SH3RF1: variants seen among roughly 807,000 people sequenced by gnomAD.
SH3RF1 encodes SH3 domain containing ring finger 1, also known as E3 ubiquitin-protein ligase SH3RF1.
SH3RF1 carries 32 observed loss-of-function variants against 74.0 expected under a neutral mutation model. That is an observed-to-expected ratio of 0.43 (90% CI 0.33 to 0.58). The LOEUF (loss-of-function observed/expected upper bound fraction) is 0.58. Ranked by LOEUF, SH3RF1 falls within the 20% of genes least tolerant of loss-of-function variation. SH3RF1 has a pLI of 0.05. For missense variants in SH3RF1, 954 were observed against 1,130.9 expected, an observed-to-expected ratio of 0.84 and a Z score of 2.24; for synonymous variants, 396 against 439.6, an observed-to-expected ratio of 0.90 and a Z score of 1.24.
At chr4:169,139,982 G>A (rs954470918) in intron 4 of SH3RF1, among the ~76,000 whole-genome samples, 5 of 152,092 alleles carry the variant, frequency 3.3e-5, no homozygotes, top group Admixed American at 6.5e-5. Context: ...CCTCTAAATA[G>A]CCTAGCATAT....
At chr4:169,186,429 T>C (rs1249978776) in intron 2 of SH3RF1, among the ~76,000 whole-genome samples, 1 of 152,068 alleles carries the variant, frequency 6.6e-6, no homozygotes, top group African/African-American at 2.4e-5. Context: ...AGACTAACTA[T>C]AAAACACTTA....
chr4:169,225,626 G>A (rs1465538709), intron 2 of SH3RF1, among the ~76,000 whole-genome samples: 1 of 152,176 alleles, frequency 6.6e-6, no homozygotes, highest in Non-Finnish European at 1.5e-5. Context: ...ACAGAAAGGT[G>A]ACTGCAATGT....
rs1050163088 is a variant in SH3RF1 at position 169,094,794 on chromosome 4, G to T, written c.*1725C>A. 1 of 148,336 alleles carries T rather than the reference G, an allele frequency of 6.7e-6. No individual in the cohort carries two copies. Among genetic ancestry groups the T allele is most frequent in the East Asian group, 2.0e-4 (1 of 5,106 alleles). The allele number at this position is 148,336 out of a possible 1,614,324, so 9.2% of individuals were successfully genotyped here. A position where few individuals can be genotyped will look rare whatever the true frequency, so the allele number is the denominator to read the frequency against. Reference sequence around the variant, plus strand: ...ATACATTGTTTTTTTTTAAAAAAAAGGTTAATTTAGGAATGATTTCATCTT... The same window carrying T: ...ATACATTGTTTTTTTTTAAAAAAAATGTTAATTTAGGAATGATTTCATCTT... On this transcript the variant is annotated 3_prime_UTR_variant, in exon 12 of 12. Transcript: ENST00000284637.
rs573354579 is a variant in SH3RF1, at chr4:169,263,938, A to C, written c.393+4882T>G. 2.0e-4 allele frequency among the ~76,000 whole-genome samples: 31 copies of C among 152,258 alleles called. 1 individual carries two copies. The South Asian group carries it at 2.5e-3, about 12-fold the overall frequency. ...GCCAGGCAATGTGGGTAGTTGAGGG[A>C]GTAGGGAGGGGCTGAACAACTTCTC... On this transcript the variant is annotated intron_variant, in intron 2 of 11. Transcript: ENST00000284637.
chr4:169,119,856 G>A (rs993957686), intron 8 of SH3RF1, among the ~76,000 whole-genome samples: 6 of 152,154 alleles, frequency 3.9e-5, no homozygotes, highest in Non-Finnish European at 5.9e-5. Flanking sequence ...TATATTAAAC[G>A]GCCGGTGGTC....
chr4:169,175,239 C>T lies in SH3RF1; in HGVS notation c.394-18560G>A, dbSNP rs544281877. 5.9e-5 allele frequency among the ~76,000 whole-genome samples: 9 copies of T among 152,370 alleles called. No homozygotes were observed. In the South Asian group the frequency reaches 1.9e-3, roughly 32 times the overall value. On this transcript the variant is annotated intron_variant, in intron 2 of 11. Transcript: ENST00000284637. ...CCAGCCCAAGCCAGATCAACACCAT[C>T]TGTATTGCCACTATTAACACCCTAG...
intron 5 of SH3RF1, among the ~76,000 whole-genome samples, chr4:169,134,374 C>A (rs1733664375): frequency 6.6e-6 from 1 of 152,210 alleles, no homozygotes; most frequent in Non-Finnish European, 1.5e-5. Context: ...ATGCTGAGCT[C>A]TCTGCAAAAG....
chr4:169,179,317 C>T (rs914604234), intron 2 of SH3RF1, among the ~76,000 whole-genome samples: 9 of 152,240 alleles, frequency 5.9e-5, no homozygotes, highest in Admixed American at 3.9e-4. Flanking sequence ...TCCTTAGAGC[C>T]ACCAAAAAGT....
chr4:169,101,133 T>C (rs949849620), intron 11 of SH3RF1, among the ~76,000 whole-genome samples: 1 of 152,246 alleles, frequency 6.6e-6, no homozygotes, highest in Admixed American at 6.5e-5. Flanking sequence ...CATAAGCTGC[T>C]TGAAGGATGA....
intron 2 of SH3RF1, among the ~76,000 whole-genome samples, chr4:169,236,623 A>C (rs140575956): frequency 3.1e-4 from 47 of 152,356 alleles, no homozygotes; most frequent in Admixed American, 2.9e-3. Context: ...TGAGAATTAA[A>C]TAAGTTAATA....
chr4:169,126,243 C>T (rs1733521841), intron 6 of SH3RF1, among the ~76,000 whole-genome samples: 1 of 152,222 alleles, frequency 6.6e-6, no homozygotes, highest in Admixed American at 6.5e-5. Flanking sequence ...AATGAAAATA[C>T]ACTATGTGCT....
intron 5 of SH3RF1, among the ~76,000 whole-genome samples, chr4:169,134,657 T>C (rs1733667127): frequency 2.0e-5 from 3 of 152,232 alleles, no homozygotes; most frequent in African/African-American, 7.2e-5. Flanking sequence ...GTTCTGAACC[T>C]TTCTGGATTA....
At chr4:169,132,175 T>C (rs1032799997) in intron 5 of SH3RF1, among the ~76,000 whole-genome samples, 1 of 152,232 alleles carries the variant, frequency 6.6e-6, no homozygotes, top group African/African-American at 2.4e-5. Context: ...ACAGACATTA[T>C]TATCAAGGAA....
At chr4:169,118,269 C>T (rs896236190) in intron 8 of SH3RF1, among the ~76,000 whole-genome samples, 3 of 152,200 alleles carry the variant, frequency 2.0e-5, no homozygotes, top group African/African-American at 7.2e-5. Context: ...CTTCTCTTGA[C>T]ATATTGTAAT....
intron 2 of SH3RF1, among the ~76,000 whole-genome samples, chr4:169,230,171 C>G (rs1037125726): frequency 2.0e-5 from 3 of 152,054 alleles, no homozygotes; most frequent in Admixed American, 2.0e-4. Flanking sequence ...GCTGCTCCAG[C>G]CTGGGCCACT....
intron 2 of SH3RF1, among the ~76,000 whole-genome samples, chr4:169,172,137 C>T (rs551964568): frequency 5.1e-4 from 78 of 152,272 alleles, no homozygotes; most frequent in African/African-American, 1.8e-3. Context: ...ACTGTATGAG[C>T]CTAAGAAAGC....
chr4:169,268,135 C>T lies in SH3RF1; in HGVS notation c.393+685G>A, dbSNP rs540857312. Among the ~76,000 whole-genome samples, 409 of 152,064 alleles carry T rather than the reference C, an allele frequency of 2.7e-3. 1 individual carries two copies. The highest frequency in any genetic ancestry group is 0.021 in the South Asian group (99 of 4,818). ...TTGTGGTAGCTGTCCAAATAATTAGCTTCATCTAAAATTATTTCAGCCCAA... is the reference window on the plus strand; with the variant it reads ...TTGTGGTAGCTGTCCAAATAATTAGTTTCATCTAAAATTATTTCAGCCCAA... On this transcript the variant is annotated intron_variant, in intron 2 of 11. Transcript: ENST00000284637.
intron 2 of SH3RF1, among the ~76,000 whole-genome samples, chr4:169,174,786 G>T (rs1734390677): frequency 1.3e-5 from 2 of 152,056 alleles, no homozygotes; most frequent in Non-Finnish European, 2.9e-5. Flanking sequence ...AATCTCTGGG[G>T]CTGGGTCAGA....
intron 4 of SH3RF1, among the ~76,000 whole-genome samples, chr4:169,144,119 C>A (rs1579104360): frequency 2.0e-5 from 3 of 152,302 alleles, no homozygotes; most frequent in Admixed American, 2.0e-4. Context: ...ATCAATTTTA[C>A]ACACCCCAGG....
Sources: gnomAD v4.1 joint callset for allele counts (sites outside exome capture counted in the v4.1 genomes callset) on GRCh38, gnomAD v4.1.1 for gene constraint, MANE v1.5 for transcripts, NCBI Gene and HGNC (gene_info 2026-07-23, HGNC 2026-07-21) for gene names.